The following FGF12 variants were observed in gnomAD, a reference collection of about 807,000 sequenced individuals.
FGF12 encodes fibroblast growth factor 12B.
FGF12 carries 14 observed loss-of-function variants against 23.6 expected under a neutral mutation model. The ratio of observed to expected loss-of-function variants is 0.59; its 90% CI spans 0.39 to 0.93. FGF12 has a LOEUF of 0.93. FGF12 is among the 40% of genes least tolerant of loss of function. The pLI is 0.00. For missense variants in FGF12, 175 were observed against 217.8 expected (o/e 0.80, Z 1.24); for synonymous variants, 62 against 77.3 (o/e 0.80, Z 1.04).
Position 192,724,176 on chromosome 3 carries a change from C to T in FGF12, c.13+3005G>A, listed in dbSNP as rs73887683. Among the ~76,000 whole-genome samples, 441 of 152,144 alleles carry T rather than the reference C, an allele frequency of 2.9e-3. 5 individuals carry two copies. The highest frequency in any genetic ancestry group is 0.01 in the African/African-American group (429 of 41,520). On this transcript the variant is annotated intron_variant, in intron 2 of 5. Coordinates refer to ENST00000445105, the MANE Select transcript of FGF12 (RefSeq NM_004113.6). ...TTTCCTCACTCCAAATCATGCTTCT[C>T]AAACATTAATGTGCATACAAATTGC...
chr3:192,718,553 G>C, intron 2 of FGF12, among the ~76,000 whole-genome samples: 1 of 152,132 alleles, frequency 6.6e-6, no homozygotes, highest in East Asian at 1.9e-4. Context: ...AAAGCCACGA[G>C]CTCAAACTGA....
intron 4 of FGF12, among the ~76,000 whole-genome samples, chr3:192,252,794 A>C (rs1458792083): frequency 6.6e-6 from 1 of 152,138 alleles, no homozygotes; most frequent in East Asian, 1.9e-4. Flanking sequence ...CATAAGATAT[A>C]TATCTCAGTA....
At chr3:192,200,049 G>T (rs1717281211) in intron 4 of FGF12, among the ~76,000 whole-genome samples, 3 of 152,046 alleles carry the variant, frequency 2.0e-5, no homozygotes, top group Admixed American at 2.0e-4. Context: ...GGGTGCAGTG[G>T]CTCACTCCTG....
chr3:192,177,954 T>C (rs567167449), intron 4 of FGF12, among the ~76,000 whole-genome samples: 1 of 152,222 alleles, frequency 6.6e-6, no homozygotes, highest in Non-Finnish European at 1.5e-5. Flanking sequence ...TTGTTTAAGC[T>C]TCTTGAAAGT....
chr3:192,167,772 A>ATT (rs368951795), intron 5 of FGF12, among the ~76,000 whole-genome samples: 1,559 of 15,344 alleles, frequency 0.1, 188 homozygotes, highest in Middle Eastern at 0.12. Context: ...TATATATAAA[A>ATT]TTTTTTTTTT....
intron 2 of FGF12, among the ~76,000 whole-genome samples, chr3:192,484,000 T>C (rs776156370): frequency 6.6e-6 from 1 of 152,078 alleles, no homozygotes; most frequent in Non-Finnish European, 1.5e-5. Flanking sequence ...GACTGATCAA[T>C]ATAAAAAAAA....
intron 2 of FGF12, among the ~76,000 whole-genome samples, chr3:192,377,241 G>A (rs1576926054): frequency 1.3e-5 from 2 of 152,134 alleles, no homozygotes; most frequent in South Asian, 2.1e-4. Context: ...TGCCTCACAC[G>A]GGTCTGACAC....
intron 4 of FGF12, among the ~76,000 whole-genome samples, chr3:192,210,441 C>T (rs111227046): frequency 6.6e-6 from 1 of 152,112 alleles, no homozygotes. Flanking sequence ...AGTTCATGTC[C>T]CCACAAAGGT....
intron 2 of FGF12, among the ~76,000 whole-genome samples, chr3:192,496,101 A>G (rs1044577586): frequency 6.6e-6 from 1 of 152,238 alleles, no homozygotes; most frequent in Admixed American, 6.5e-5. Context: ...AGCAGCCTCT[A>G]GTCACAAATG....
intron 2 of FGF12, among the ~76,000 whole-genome samples, chr3:192,500,423 T>C (rs1025588961): frequency 1.3e-5 from 2 of 151,086 alleles, no homozygotes; most frequent in Non-Finnish European, 2.9e-5. Context: ...ATTGCTGATA[T>C]AATAAATCCA....
intron 4 of FGF12, among the ~76,000 whole-genome samples, chr3:192,320,952 T>C (rs1361650372): frequency 9.9e-5 from 15 of 151,352 alleles, no homozygotes; most frequent in Admixed American, 8.6e-4. Context: ...AAATAAATAA[T>C]AAAGACCAGA....
In FGF12 at chr3:192,158,334, C is replaced by CTT. The variant is rs1223212203; in HGVS notation, c.427+12122_427+12123dup. Among the ~76,000 whole-genome samples the CTT allele has an allele frequency of 1.5e-4, 8 of 52,806 alleles. No individual in the cohort carries two copies. In the East Asian group the frequency reaches 3.1e-3, roughly 20 times the overall value. 34.6% of individuals were successfully genotyped at this position (52,806 alleles called of 152,430 possible). A position where few individuals can be genotyped will look rare whatever the true frequency, so the allele number is the denominator to read the frequency against. ...CTTTTCTCTTTCTTTCTTTCTTTCTCTTTCTTTCTTTCTTTCTTTCTTTCT... is the reference window on the plus strand; with the variant it reads ...CTTTTCTCTTTCTTTCTTTCTTTCTCTTTTTCTTTCTTTCTTTCTTTCTTTCT... On this transcript the variant is annotated intron_variant, in intron 5 of 5. Coordinates refer to ENST00000445105, the MANE Select transcript of FGF12 (RefSeq NM_004113.6).
At chr3:192,240,434 C>T (rs1276360871) in intron 4 of FGF12, among the ~76,000 whole-genome samples, 1 of 152,050 alleles carries the variant, frequency 6.6e-6, no homozygotes, top group Non-Finnish European at 1.5e-5. Flanking sequence ...GCTCTGAAAA[C>T]CAATATAAAT....
At chr3:192,581,343 A>T (rs1236693528) in intron 2 of FGF12, among the ~76,000 whole-genome samples, 3 of 151,708 alleles carry the variant, frequency 2.0e-5, no homozygotes, top group Admixed American at 2.0e-4. Flanking sequence ...AGGCAGGAGG[A>T]TGTCTTGAGC....
chr3:192,668,679 C>T lies in FGF12; in HGVS notation c.13+58502G>A, dbSNP rs555230691. The stretch of plus-strand genomic sequence containing the variant: ...TCATGAGACCTGGTTTGGAGCTGTG[C>T]ATCGTGTAGGTCCCAGAATTTAAAA... On this transcript the variant is annotated intron_variant, in intron 2 of 5. Coordinates refer to ENST00000445105, the MANE Select transcript of FGF12 (RefSeq NM_004113.6). Among the ~76,000 whole-genome samples the T allele has an allele frequency of 1.5e-4, 23 of 152,274 alleles. 1 individual carries two copies. In the South Asian group the frequency reaches 4.8e-3, roughly 32 times the overall value.
At chr3:192,438,548 GT>G (rs1722096643) in intron 2 of FGF12, among the ~76,000 whole-genome samples, 1 of 152,124 alleles carries the variant, frequency 6.6e-6, no homozygotes, top group Admixed American at 6.5e-5. Flanking sequence ...GTATTTCCTG[GT>G]GCCAGTGCAG....
chr3:192,464,391 G>A (rs1722948593), intron 2 of FGF12, among the ~76,000 whole-genome samples: 1 of 151,230 alleles, frequency 6.6e-6, no homozygotes, highest in East Asian at 2.0e-4. Context: ...TAGGATGTTT[G>A]GTTTTCTATT....
chr3:192,259,278 A>G (rs1443454861), intron 4 of FGF12, among the ~76,000 whole-genome samples: 1 of 152,196 alleles, frequency 6.6e-6, no homozygotes, highest in Non-Finnish European at 1.5e-5. Flanking sequence ...AAAATACTGC[A>G]TCATAAGATA....
At chr3:192,683,214 C>T (rs1379061006) in intron 2 of FGF12, among the ~76,000 whole-genome samples, 3 of 152,294 alleles carry the variant, frequency 2.0e-5, no homozygotes, top group East Asian at 1.9e-4. Flanking sequence ...TGGCAGCCAG[C>T]GTCTGAAATC....
Sources: allele counts gnomAD v4.1 joint callset (sites outside exome capture counted in the v4.1 genomes callset), GRCh38; gene constraint gnomAD v4.1.1; transcripts MANE v1.5; gene names NCBI Gene and HGNC (gene_info 2026-07-23, HGNC 2026-07-21).